The following TACC2 variants were observed in gnomAD, a reference collection of about 807,000 sequenced individuals.
TACC2 encodes the protein transforming acidic coiled-coil containing protein 2, also known as transforming acidic coiled-coil-containing protein 2.
Under a neutral mutation model 227.3 loss-of-function variants are expected in TACC2, and 137 were observed. That is an observed-to-expected ratio of 0.60 (90% CI 0.52 to 0.69). The LOEUF (loss-of-function observed/expected upper bound fraction) is 0.69, where lower values mean the gene tolerates loss of function less well. Ranked by LOEUF, TACC2 falls within the 30% of genes least tolerant of loss-of-function variation. The pLI is 0.00. For synonymous variants in TACC2, 1,523 were observed against 1,487.5 expected, an observed-to-expected ratio of 1.02 and a Z score of -0.55; for missense variants, 3,470 against 3,694.4, an observed-to-expected ratio of 0.94 and a Z score of 1.57.
intron 3 of TACC2, among the ~76,000 whole-genome samples, chr10:122,080,211 CTT>C (rs111618289): frequency 1.3e-3 from 144 of 113,152 alleles, no homozygotes; most frequent in African/African-American, 3.0e-3. Flanking sequence ...TCTTCCTTTC[CTT>C]TTTTTTTTTT....
intron 2 of TACC2, chr10:122,033,023 A>T (rs551381373): frequency 4.0e-6 from 4 of 1,004,820 alleles, no homozygotes; most frequent in Non-Finnish European, 5.4e-6. Context: ...CCCCACAAAA[A>T]CACCAAAGAT....
intron 7 of TACC2, among the ~76,000 whole-genome samples, chr10:122,167,386 A>G (rs2093235551): frequency 1.3e-5 from 2 of 152,238 alleles, no homozygotes. Context: ...ACAAAATGGA[A>G]GTTTCATACC....
At chr10:122,029,627 C>T (rs561837181) in intron 2 of TACC2, among the ~76,000 whole-genome samples, 1 of 152,256 alleles carries the variant, frequency 6.6e-6, no homozygotes, top group East Asian at 1.9e-4. Context: ...ATGGGCCAAA[C>T]GAATGTGCCT....
chr10:122,162,537 G>C (rs1470207711), intron 7 of TACC2, among the ~76,000 whole-genome samples: 1 of 152,202 alleles, frequency 6.6e-6, no homozygotes, highest in African/African-American at 2.4e-5. Context: ...CGGTTGTGTT[G>C]AATGTACAGC....
At chr10:122,253,765 C>A (rs966457096) in intron 22 of TACC2, among the ~76,000 whole-genome samples, 1 of 152,202 alleles carries the variant, frequency 6.6e-6, no homozygotes, top group African/African-American at 2.4e-5. Flanking sequence ...CACCTATGTT[C>A]TAGAGATAAG....
In TACC2 at chr10:122,209,751, G is replaced by T; in HGVS notation, c.5972-646G>T. ...GTCACCCAGGCTAGAGTACAGTGGC[G>T]CAATCTCGGCTCTCTGCAACCTCTG... On this transcript the variant is annotated intron_variant, in intron 8 of 22. Transcript: ENST00000369005. The surrounding 1 kb of genome is among the most constrained non-coding windows in gnomAD (Gnocchi z 4.5). 6.5e-6 allele frequency: 1 copy of T among 154,564 alleles called. No individual in the cohort carries two copies. Among genetic ancestry groups the T allele is most frequent in the Admixed American group, 6.3e-5 (1 of 15,794 alleles). The allele number at this position is 154,564 out of a possible 1,614,324, so 9.6% of individuals were successfully genotyped here.
At chr10:122,130,001 C>G (rs2087728769) in intron 5 of TACC2, among the ~76,000 whole-genome samples, 1 of 152,164 alleles carries the variant, frequency 6.6e-6, no homozygotes, top group Non-Finnish European at 1.5e-5. Flanking sequence ...CAGGCTGATT[C>G]TTCTGCCTAG....
chr10:122,203,026 C>T (rs1391099420), intron 8 of TACC2, among the ~76,000 whole-genome samples: 4 of 151,972 alleles, frequency 2.6e-5, no homozygotes, highest in Non-Finnish European at 4.4e-5. Flanking sequence ...TTTCTTAGTA[C>T]AGAACAAAAT....
At chr10:122,158,250 G>A (rs1003144809) in intron 7 of TACC2, among the ~76,000 whole-genome samples, 14 of 152,056 alleles carry the variant, frequency 9.2e-5, no homozygotes, top group African/African-American at 3.1e-4. Context: ...TTAGCTGGGC[G>A]TGGTGGCGTG....
At chr10:122,153,524 CG>C (rs1316768362) in intron 7 of TACC2, among the ~76,000 whole-genome samples, 14 of 152,140 alleles carry the variant, frequency 9.2e-5, no homozygotes, top group African/African-American at 2.9e-4. Flanking sequence ...TTGCAGACCT[CG>C]GGTTTCGAGT....
intron 8 of TACC2, among the ~76,000 whole-genome samples, chr10:122,197,916 T>A (rs6585801): frequency 0.096 from 14,678 of 152,240 alleles, 2,313 homozygotes; most frequent in African/African-American, 0.33. Flanking sequence ...CAGCTGTGCT[T>A]GCTAGTGTAG....
chr10:122,171,009 T>G (rs1157415498), intron 7 of TACC2, among the ~76,000 whole-genome samples: 1 of 75,156 alleles, frequency 1.3e-5, no homozygotes, highest in African/African-American at 8.3e-5. Flanking sequence ...GAGGCTGGTG[T>G]GTGGCTGTGA....
At chr10:122,063,904 G>A (rs1053581647) in intron 3 of TACC2, among the ~76,000 whole-genome samples, 9 of 151,518 alleles carry the variant, frequency 5.9e-5, no homozygotes, top group African/African-American at 1.9e-4. Context: ...GCTCACTCTT[G>A]TAACCCCAGC....
At chr10:122,193,086 A>G (rs907854494) in intron 7 of TACC2, among the ~76,000 whole-genome samples, 1 of 152,214 alleles carries the variant, frequency 6.6e-6, no homozygotes, top group Non-Finnish European at 1.5e-5. Context: ...GTTTGTAAGA[A>G]GTCAGTATCT....
At chr10:122,081,304 G>A (rs1310643460) in intron 3 of TACC2, among the ~76,000 whole-genome samples, 2 of 151,644 alleles carry the variant, frequency 1.3e-5, no homozygotes, top group Non-Finnish European at 1.5e-5. Context: ...CAGATCACGA[G>A]GTTAGGAGAT....
intron 9 of TACC2, among the ~76,000 whole-genome samples, chr10:122,215,186 T>G (rs2095374689): frequency 6.6e-6 from 1 of 152,222 alleles, no homozygotes. Context: ...TTGATGGATC[T>G]TTCCCTTGGG....
intron 3 of TACC2, among the ~76,000 whole-genome samples, chr10:122,071,717 T>TCCA (rs2078078155): frequency 8.1e-5 from 1 of 12,356 alleles, no homozygotes; most frequent in Admixed American, 1.0e-3. Context: ...CTACTAAAAA[T>TCCA]ACAAAAAAAA....
At chr10:122,238,484 G>C (rs1384515630) in intron 18 of TACC2, among the ~76,000 whole-genome samples, 1 of 152,072 alleles carries the variant, frequency 6.6e-6, no homozygotes, top group East Asian at 1.9e-4. Flanking sequence ...TTTCGCTCTT[G>C]TTGCCCAGGC....
In TACC2 at chr10:122,231,904, G is replaced by A. The variant is rs76579764; in HGVS notation, c.8127+1464G>A. 3.2e-4 allele frequency among the ~76,000 whole-genome samples: 49 copies of A among 152,338 alleles called. No individual in the cohort carries two copies. In the East Asian group the frequency reaches 9.5e-3, roughly 29 times the overall value. The stretch of plus-strand genomic sequence containing the variant: ...TGCCTGGAGTAACAGCTCATCTGCA[G>A]GGGGGCAGTGAGGTCTGTGTCTCTC... On this transcript the variant is annotated intron_variant, in intron 16 of 22. Coordinates refer to ENST00000369005, the MANE Select transcript of TACC2 (RefSeq NM_206862.4).
Sources: allele counts gnomAD v4.1 joint callset (sites outside exome capture counted in the v4.1 genomes callset), GRCh38; gene constraint gnomAD v4.1.1; non-coding constraint Gnocchi (gnomAD v3.1); transcripts MANE v1.5; gene names NCBI Gene and HGNC (gene_info 2026-07-23, HGNC 2026-07-21).